Variants in COX10 observed in about 807,000 individuals in gnomAD.
COX10 encodes cytochrome c oxidase assembly factor heme A:farnesyltransferase COX10.
A neutral mutation model predicts 37.3 loss-of-function variants in COX10; 27 were observed. The observed-to-expected ratio is 0.72, with a 90% CI of 0.53 to 1.00. The LOEUF (loss-of-function observed/expected upper bound fraction) is 1.00, where lower values mean the gene tolerates loss of function less well. Among genes scored for constraint, COX10 ranks in the 50% least tolerant of loss-of-function variants. COX10 has a pLI of 0.00. For missense variants in COX10, 475 were observed against 563.2 expected (o/e 0.84, Z 1.59); for synonymous variants, 222 against 229.1 (o/e 0.97, Z 0.28).
rs1906078477 is a variant in COX10, at chr17:14,187,809, C to T, written c.696-4180C>T. Among the ~76,000 whole-genome samples the T allele has an allele frequency of 4.6e-5, 7 of 152,330 alleles. No individual in the cohort carries two copies. The South Asian group carries it at 1.4e-3, about 32-fold the overall frequency. ...AAGGATTCCTTCAGGTGCCTGGATG[C>T]TGAGAGTGATCATGGCATCCTGGGT... On this transcript the variant is annotated intron_variant, in intron 5 of 6. Transcript: ENST00000261643.
intron 1 of COX10, 29 bp from the exon 2 acceptor site, chr17:14,074,294 C>G: frequency 6.2e-7 from 1 of 1,613,710 alleles, no homozygotes; most frequent in Non-Finnish European, 8.5e-7. Context: ...AATCATTTAA[C>G]CTTTCTTCCA....
intron 5 of COX10, among the ~76,000 whole-genome samples, chr17:14,170,673 C>T (rs190811809): frequency 2.3e-3 from 346 of 152,178 alleles, no homozygotes; most frequent in African/African-American, 8.1e-3. Context: ...TTAAAATTAG[C>T]CGAGCATGGT....
intron 4 of COX10, among the ~76,000 whole-genome samples, chr17:14,154,123 A>C (rs1340041273): frequency 6.6e-6 from 1 of 152,184 alleles, no homozygotes; most frequent in Non-Finnish European, 1.5e-5. Context: ...GAAGCTTGTG[A>C]GTTGGGTGGA....
intron 5 of COX10, among the ~76,000 whole-genome samples, chr17:14,165,032 C>T (rs1320074064): frequency 6.6e-6 from 1 of 152,188 alleles, no homozygotes; most frequent in Non-Finnish European, 1.5e-5. Context: ...TGGATGTTAA[C>T]TACATGTCAC....
At chr17:14,115,753 A>C (rs1342129519) in intron 4 of COX10, among the ~76,000 whole-genome samples, 1 of 152,190 alleles carries the variant, frequency 6.6e-6, no homozygotes, top group Non-Finnish European at 1.5e-5. Flanking sequence ...TCATTATATT[A>C]AGTAAAACGA....
At position 14,069,555 on chromosome 17, in the gene COX10, T is replaced by C; in HGVS notation, c.-51T>C. The C allele has an allele frequency of 6.8e-6, 11 of 1,608,590 alleles. No homozygotes were observed. Among genetic ancestry groups the C allele is most frequent in the Non-Finnish European group, 9.3e-6 (11 of 1,176,506 alleles). On this transcript the variant is annotated 5_prime_UTR_variant, in exon 1 of 7. It removes the in-frame stop codon of an upstream open reading frame in the 5' UTR. Transcript: ENST00000261643. ...GAAGATGGCGGCGCCCAGCGTCCCG[T>C]GAGGAGAGAGGACACAGGGATCCCG...
intron 5 of COX10, among the ~76,000 whole-genome samples, chr17:14,183,681 C>T (rs1478795700): frequency 2.6e-5 from 4 of 152,276 alleles, no homozygotes; most frequent in Non-Finnish European, 5.9e-5. Context: ...ATTCATAAGT[C>T]TTTATAAGTC....
At chr17:14,166,549 T>C (rs968572980) in intron 5 of COX10, among the ~76,000 whole-genome samples, 1 of 151,806 alleles carries the variant, frequency 6.6e-6, no homozygotes, top group African/African-American at 2.4e-5. Flanking sequence ...AGGAAACTAA[T>C]GTTTTCATGC....
chr17:14,139,075 G>C (rs765221220), intron 4 of COX10, among the ~76,000 whole-genome samples: 82 of 152,178 alleles, frequency 5.4e-4, no homozygotes, highest in Non-Finnish European at 8.5e-4. Context: ...AGGATTACAT[G>C]AAATAATACA....
intron 6 of COX10, among the ~76,000 whole-genome samples, chr17:14,196,662 G>C (rs763534268): frequency 1.6e-4 from 25 of 152,198 alleles, no homozygotes; most frequent in Admixed American, 7.9e-4. Context: ...ATATTGGAAA[G>C]TCAGTAAATT....
At chr17:14,136,479 C>G (rs953268510) in intron 4 of COX10, among the ~76,000 whole-genome samples, 2 of 151,988 alleles carry the variant, frequency 1.3e-5, no homozygotes, top group Admixed American at 1.3e-4. Context: ...TTCCAGTTTG[C>G]TCAGACTGAC....
At chr17:14,090,060 C>T (rs1029130254) in intron 3 of COX10, among the ~76,000 whole-genome samples, 2 of 151,862 alleles carry the variant, frequency 1.3e-5, no homozygotes, top group African/African-American at 4.8e-5. Flanking sequence ...CCGCTTGTCC[C>T]CTTCAGTGGG....
At chr17:14,085,409 A>G (rs1455350193) in intron 3 of COX10, among the ~76,000 whole-genome samples, 1 of 152,058 alleles carries the variant, frequency 6.6e-6, no homozygotes, top group Non-Finnish European at 1.5e-5. Flanking sequence ...TTAAAGGTTG[A>G]TAGTATTCCA....
At chr17:14,101,861 A>G (rs546993502) in intron 3 of COX10, among the ~76,000 whole-genome samples, 2 of 152,220 alleles carry the variant, frequency 1.3e-5, no homozygotes, top group Non-Finnish European at 2.9e-5. Context: ...TGAATGATTG[A>G]ATCTGGAAGA....
chr17:14,190,924 T>C (rs1373512558), intron 5 of COX10, among the ~76,000 whole-genome samples: 2 of 152,130 alleles, frequency 1.3e-5, no homozygotes, highest in African/African-American at 4.8e-5. Context: ...TTGGCTGTTT[T>C]TAAAACCAGA....
At chr17:14,076,705 T>A (rs987558012) in intron 2 of COX10, 30 bp from the exon 3 acceptor site, 1 of 1,612,330 alleles carries the variant, frequency 6.2e-7, no homozygotes, top group Non-Finnish European at 8.5e-7. Flanking sequence ...GGGGCCTTGG[T>A]TTTATAGTAA....
intron 4 of COX10, among the ~76,000 whole-genome samples, chr17:14,121,075 G>T (rs1916217599): frequency 6.6e-6 from 1 of 152,126 alleles, no homozygotes; most frequent in African/African-American, 2.4e-5. Context: ...CTTTGGGATG[G>T]ATTTTGTTCT....
intron 4 of COX10, among the ~76,000 whole-genome samples, chr17:14,131,524 G>T (rs1916466490): frequency 6.6e-6 from 1 of 151,696 alleles, no homozygotes; most frequent in Admixed American, 6.6e-5. Flanking sequence ...CTGGCTTTTT[G>T]TAGTGAAATA....
intron 5 of COX10, among the ~76,000 whole-genome samples, chr17:14,165,680 A>G (rs1038481258): frequency 3.9e-5 from 6 of 152,216 alleles, no homozygotes; most frequent in Non-Finnish European, 7.3e-5. Context: ...GCTAGAAATG[A>G]TTAAGCTTAA....
Sources: gnomAD v4.1 joint callset for allele counts (sites outside exome capture counted in the v4.1 genomes callset) on GRCh38, gnomAD v4.1.1 for gene constraint, MANE v1.5 for transcripts, NCBI Gene and HGNC (gene_info 2026-07-23, HGNC 2026-07-21) for gene names.